KSR2: variants seen among roughly 807,000 people sequenced by gnomAD.
The protein encoded by KSR2 is kinase suppressor of ras 2.
KSR2 carries 25 observed loss-of-function variants against 107.8 expected under a neutral mutation model. That is an observed-to-expected ratio of 0.23 (90% CI 0.17 to 0.32). The LOEUF (loss-of-function observed/expected upper bound fraction) is 0.32, where lower values mean the gene tolerates loss of function less well. Ranked by LOEUF, KSR2 falls within the 10% of genes least tolerant of loss-of-function variation. The pLI is 1.00. For missense variants in KSR2, 887 were observed against 1,268.9 expected, an observed-to-expected ratio of 0.70 and a Z score of 4.57; for synonymous variants, 480 against 507.0, an observed-to-expected ratio of 0.95 and a Z score of 0.71.
intron 1 of KSR2, among the ~76,000 whole-genome samples, chr12:117,868,520 G>A (rs565103207): frequency 1.3e-5 from 2 of 152,066 alleles, no homozygotes; most frequent in East Asian, 3.9e-4. Flanking sequence ...GGTCACACAT[G>A]CATTATTTCA....
At chr12:117,478,919 G>A (rs575639420) in intron 16 of KSR2, among the ~76,000 whole-genome samples, 2 of 152,208 alleles carry the variant, frequency 1.3e-5, no homozygotes, top group Non-Finnish European at 2.9e-5. Context: ...ATGGAGACTA[G>A]TGATTTTCTA....
chr12:117,739,089 C>T (rs1011501358), intron 4 of KSR2, among the ~76,000 whole-genome samples: 11 of 152,196 alleles, frequency 7.2e-5, no homozygotes, highest in Non-Finnish European at 1.3e-4. Context: ...GGCGCAGCGG[C>T]TCACGCCTGT....
chr12:117,686,201 A>G (rs1286958842), intron 4 of KSR2, among the ~76,000 whole-genome samples: 5 of 125,838 alleles, frequency 4.0e-5, no homozygotes, highest in African/African-American at 1.7e-4. Flanking sequence ...GGCACACACC[A>G]CCACACCCAG....
At chr12:117,696,039 A>G (rs569012996) in intron 4 of KSR2, among the ~76,000 whole-genome samples, 64 of 152,306 alleles carry the variant, frequency 4.2e-4, no homozygotes, top group South Asian at 1.2e-3. Context: ...GCAGCTGTTA[A>G]ATATCGTTTC....
At position 117,597,938 on chromosome 12, in the gene KSR2, C is replaced by T. The variant is rs182782744; in HGVS notation, c.1172-15579G>A. Among the ~76,000 whole-genome samples, 80 of 152,264 alleles carry T rather than the reference C, an allele frequency of 5.3e-4. 1 individual carries two copies. In the East Asian group the frequency reaches 0.014, roughly 27 times the overall value. ...TCTCCTATTTCACAGGAGAGAAAAC[C>T]GCAGATCAGAGAAGTTCAGTAACTT... On this transcript the variant is annotated intron_variant, in intron 5 of 19. Transcript: ENST00000339824.
At chr12:117,637,675 G>GTTTTT (rs56169273) in intron 5 of KSR2, among the ~76,000 whole-genome samples, 25,107 of 89,500 alleles carry the variant, frequency 0.28, 5,999 homozygotes, top group Non-Finnish European at 0.36. Flanking sequence ...TCAGTTTTGG[G>GTTTTT]TTTTTTTTTT....
chr12:117,545,380 T>C (rs755888253), intron 9 of KSR2, among the ~76,000 whole-genome samples: 1 of 152,220 alleles, frequency 6.6e-6, no homozygotes, highest in Non-Finnish European at 1.5e-5. Context: ...TTAATTCTTC[T>C]TTAAACATTT....
At chr12:117,932,195 G>A (rs991800208) in intron 1 of KSR2, among the ~76,000 whole-genome samples, 1 of 152,156 alleles carries the variant, frequency 6.6e-6, no homozygotes, top group Non-Finnish European at 1.5e-5. Flanking sequence ...GCTGAGGTAG[G>A]AGAATCGCTT....
At chr12:117,886,006 GAATGGCATT>G (rs1374672544) in intron 1 of KSR2, among the ~76,000 whole-genome samples, 1 of 151,732 alleles carries the variant, frequency 6.6e-6, no homozygotes, top group Non-Finnish European at 1.5e-5. Context: ...TGAGGCAGGA[GAATGGCATT>G]AATCTGGGAG....
At chr12:117,640,991 A>T (rs1025719470) in intron 5 of KSR2, among the ~76,000 whole-genome samples, 6 of 151,850 alleles carry the variant, frequency 4.0e-5, no homozygotes, top group African/African-American at 1.5e-4. Context: ...CCTGATAGAC[A>T]CTGTGTTAGT....
chr12:117,665,929 T>G (rs1021409699), intron 5 of KSR2, among the ~76,000 whole-genome samples: 1 of 152,246 alleles, frequency 6.6e-6, no homozygotes. Flanking sequence ...CTTGTCACTA[T>G]CACGCTTTTC....
At chr12:117,563,393 T>C (rs1878252574) in intron 7 of KSR2, among the ~76,000 whole-genome samples, 1 of 152,104 alleles carries the variant, frequency 6.6e-6, no homozygotes, top group Admixed American at 6.5e-5. Context: ...AGAACAAACC[T>C]AGGTTCAAAT....
At chr12:117,582,521 C>T (rs1012554127) in intron 5 of KSR2, among the ~76,000 whole-genome samples, 162 bp from the exon 6 acceptor site, 1 of 152,194 alleles carries the variant, frequency 6.6e-6, no homozygotes, top group East Asian at 1.9e-4. Context: ...TAGCTTGTCA[C>T]CTCAACTGAC....
chr12:117,595,151 CCT>C (rs1347852287), intron 5 of KSR2, among the ~76,000 whole-genome samples: 1 of 152,168 alleles, frequency 6.6e-6, no homozygotes, highest in Non-Finnish European at 1.5e-5. Context: ...AGAGCTCACT[CCT>C]CTTTCTTCAA....
At chr12:117,552,062 C>T (rs1877349499) in intron 9 of KSR2, among the ~76,000 whole-genome samples, 1 of 152,196 alleles carries the variant, frequency 6.6e-6, no homozygotes, top group African/African-American at 2.4e-5. Context: ...AGAAGCCTCG[C>T]CATTTGAATT....
chr12:117,500,758 GT>G (rs1873329591), intron 14 of KSR2, among the ~76,000 whole-genome samples: 1 of 152,240 alleles, frequency 6.6e-6, no homozygotes, highest in Non-Finnish European at 1.5e-5. Flanking sequence ...CAATGAGGAA[GT>G]AGTGGCTCAA....
intron 10 of KSR2, among the ~76,000 whole-genome samples, chr12:117,536,851 C>A (rs1441201254): frequency 3.3e-5 from 5 of 152,206 alleles, no homozygotes; most frequent in Non-Finnish European, 5.9e-5. Flanking sequence ...GATCTTTGCA[C>A]CCTAGTGCAA....
chr12:117,671,995 T>G (rs1565954076), intron 4 of KSR2, among the ~76,000 whole-genome samples: 3 of 152,232 alleles, frequency 2.0e-5, no homozygotes, highest in Non-Finnish European at 4.4e-5. Context: ...TGAGGGAGTC[T>G]AAGCATGCCT....
At chr12:117,649,149 TC>T (rs1163126005) in intron 5 of KSR2, among the ~76,000 whole-genome samples, 3 of 152,132 alleles carry the variant, frequency 2.0e-5, no homozygotes, top group African/African-American at 7.2e-5. Flanking sequence ...TGTTGAGTGA[TC>T]TAACAAGAGC....
Sources: gnomAD v4.1 joint callset for allele counts (sites outside exome capture counted in the v4.1 genomes callset) on GRCh38, gnomAD v4.1.1 for gene constraint, MANE v1.5 for transcripts, NCBI Gene and HGNC (gene_info 2026-07-23, HGNC 2026-07-21) for gene names.